The following PTPRD variants were observed in gnomAD, a reference collection of about 807,000 sequenced individuals.
PTPRD encodes the protein protein tyrosine phosphatase receptor type D.
A neutral mutation model predicts 214.5 loss-of-function variants in PTPRD; 34 were observed. The ratio of observed to expected loss-of-function variants is 0.16; its 90% CI spans 0.12 to 0.21. PTPRD has a LOEUF of 0.21. Among genes scored for constraint, PTPRD ranks in the 10% least tolerant of loss-of-function variants. The pLI is 1.00. For synonymous variants in PTPRD, 1,128 were observed against 845.7 expected, an observed-to-expected ratio of 1.33 and a Z score of -5.79; for missense variants, 2,545 against 2,398.7, an observed-to-expected ratio of 1.06 and a Z score of -1.27.
chr9:8,859,477 G>T (rs2098049397), intron 11 of PTPRD, among the ~76,000 whole-genome samples: 1 of 152,176 alleles, frequency 6.6e-6, no homozygotes, highest in Admixed American at 6.5e-5. Context: ...TGGTCAGAAA[G>T]GTTAAATAAA....
At chr9:8,976,971 C>G (rs1019084761) in intron 11 of PTPRD, among the ~76,000 whole-genome samples, 5 of 151,986 alleles carry the variant, frequency 3.3e-5, no homozygotes, top group Non-Finnish European at 4.4e-5. Context: ...ACATTTCTAC[C>G]AAGATGGCCA....
At chr9:10,117,612 G>A (rs957035008) in intron 3 of PTPRD, among the ~76,000 whole-genome samples, 11 of 144,692 alleles carry the variant, frequency 7.6e-5, no homozygotes, top group African/African-American at 2.5e-4. Flanking sequence ...AAATCTCCCC[G>A]TTTTTTTTTT....
At chr9:10,092,944 A>C (rs1027693506) in intron 3 of PTPRD, among the ~76,000 whole-genome samples, 2 of 151,698 alleles carry the variant, frequency 1.3e-5, no homozygotes, top group African/African-American at 4.8e-5. Context: ...CATGTACAAA[A>C]ATTAACTCAA....
intron 10 of PTPRD, among the ~76,000 whole-genome samples, chr9:9,096,589 A>T (rs2099783883): frequency 6.6e-6 from 1 of 152,106 alleles, no homozygotes; most frequent in African/African-American, 2.4e-5. Flanking sequence ...CTTTTTTTTA[A>T]AAATATTTTG....
intron 8 of PTPRD, among the ~76,000 whole-genome samples, chr9:9,455,934 A>C (rs1441008063): frequency 6.6e-6 from 1 of 151,780 alleles, no homozygotes; most frequent in Admixed American, 6.6e-5. Context: ...CTGCTCCTTA[A>C]TTGATTAAAA....
At chr9:9,729,125 G>C (rs2098141465) in intron 7 of PTPRD, among the ~76,000 whole-genome samples, 1 of 152,062 alleles carries the variant, frequency 6.6e-6, no homozygotes, top group African/African-American at 2.4e-5. Flanking sequence ...GAGTAGTTTG[G>C]GCGGGCTTTA....
At chr9:10,111,484 C>T (rs888662308) in intron 3 of PTPRD, among the ~76,000 whole-genome samples, 27 of 151,746 alleles carry the variant, frequency 1.8e-4, no homozygotes, top group African/African-American at 5.8e-4. Flanking sequence ...GTGATCCGCC[C>T]GCCTCGGCCT....
intron 9 of PTPRD, among the ~76,000 whole-genome samples, chr9:9,382,590 T>C (rs2062659616): frequency 6.6e-6 from 1 of 151,758 alleles, no homozygotes; most frequent in Non-Finnish European, 1.5e-5. Context: ...AAAATCAAAA[T>C]GAAAAATGAG....
At chr9:9,402,981 AAAAAAAAACAC>A (rs1435883919) in intron 8 of PTPRD, among the ~76,000 whole-genome samples, 5 of 147,334 alleles carry the variant, frequency 3.4e-5, no homozygotes, top group Non-Finnish European at 7.5e-5. Flanking sequence ...AAAAAAAAAA[AAAAAAAAACAC>A]CAAAAAAAAA....
At chr9:8,446,986 T>C (rs1379738385) in intron 34 of PTPRD, among the ~76,000 whole-genome samples, 1 of 152,226 alleles carries the variant, frequency 6.6e-6, no homozygotes, top group Non-Finnish European at 1.5e-5. Context: ...TCTATGAATT[T>C]CATATTAACA....
intron 8 of PTPRD, among the ~76,000 whole-genome samples, chr9:9,527,104 A>G (rs1311583891): frequency 1.3e-5 from 2 of 152,150 alleles, no homozygotes; most frequent in Admixed American, 1.3e-4. Flanking sequence ...CAATCATTTT[A>G]TATATGGATG....
At chr9:10,326,217 G>A (rs1025674690) in intron 3 of PTPRD, among the ~76,000 whole-genome samples, 5 of 151,634 alleles carry the variant, frequency 3.3e-5, no homozygotes, top group Non-Finnish European at 5.9e-5. Flanking sequence ...CAATTTTTGT[G>A]TTCTTTAATA....
At chr9:9,510,565 G>C (rs2096676738) in intron 8 of PTPRD, among the ~76,000 whole-genome samples, 1 of 151,242 alleles carries the variant, frequency 6.6e-6, no homozygotes. Flanking sequence ...GTCTCAAAAA[G>C]AATGCTTCTG....
chr9:8,573,501 G>C (rs1030238892), intron 14 of PTPRD, among the ~76,000 whole-genome samples: 5 of 151,768 alleles, frequency 3.3e-5, no homozygotes, highest in African/African-American at 7.2e-5. Context: ...GTTCACTCTG[G>C]GTCAATGGCA....
In PTPRD at chr9:9,260,638, T is replaced by A. The variant is rs913860101; in HGVS notation, c.-202-77275A>T. 2.7e-4 allele frequency among the ~76,000 whole-genome samples: 41 copies of A among 151,816 alleles called. 2 individuals are homozygous for A. The highest frequency in any genetic ancestry group is 2.0e-4 in the Admixed American group (3 of 15,202). On this transcript the variant is annotated intron_variant, in intron 9 of 45. Coordinates refer to ENST00000381196, the MANE Select transcript of PTPRD (RefSeq NM_002839.4). ...TGTTGAAACTGGGAGGGACTTGGCT[T>A]GACGGCATTGTAAAGTGGTGATCCT... is the stretch of plus-strand genomic sequence containing the variant.
In PTPRD at chr9:8,691,994, C is replaced by A. The variant is rs1248496712; in HGVS notation, c.64+41786G>T. Among the ~76,000 whole-genome samples the A allele has an allele frequency of 3.3e-5, 5 of 152,122 alleles. 1 individual carries two copies. In the South Asian group the frequency reaches 1.0e-3, roughly 32 times the overall value. On this transcript the variant is annotated intron_variant, in intron 12 of 45. Transcript: ENST00000381196. ...TACTCACTGGGTTCAGAACTGAGGGCATCTACTTCCTGGATTTTTACTATT... is the reference window on the plus strand; with the variant it reads ...TACTCACTGGGTTCAGAACTGAGGGAATCTACTTCCTGGATTTTTACTATT...
chr9:8,581,472 G>A (rs1294340955), intron 14 of PTPRD, among the ~76,000 whole-genome samples: 5 of 152,216 alleles, frequency 3.3e-5, no homozygotes, highest in Non-Finnish European at 7.3e-5. Context: ...GCCGGGGCCG[G>A]GCGCAGTGGC....
intron 3 of PTPRD, among the ~76,000 whole-genome samples, chr9:10,323,828 G>T (rs531123830): frequency 1.3e-5 from 2 of 152,012 alleles, no homozygotes; most frequent in Non-Finnish European, 2.9e-5. Context: ...GTATCAAAAA[G>T]AAGAGATAAC....
intron 2 of PTPRD, among the ~76,000 whole-genome samples, chr9:10,423,798 G>A (rs1019893538): frequency 3.3e-5 from 5 of 151,972 alleles, no homozygotes; most frequent in South Asian, 2.1e-4. Context: ...AGTCCATGAC[G>A]TGTATACAGA....
Sources: allele counts gnomAD v4.1 joint callset (sites outside exome capture counted in the v4.1 genomes callset), GRCh38; gene constraint gnomAD v4.1.1; transcripts MANE v1.5; gene names NCBI Gene and HGNC (gene_info 2026-07-23, HGNC 2026-07-21).